The following ESF1 variants were observed in gnomAD, a reference collection of about 807,000 sequenced individuals.
The protein encoded by ESF1 is ESF1 nucleolar pre-rRNA processing protein.
In ESF1, 58 loss-of-function variants were observed where a neutral mutation model predicts 92.0. That is an observed-to-expected ratio of 0.63 (90% confidence interval 0.51 to 0.78). ESF1 has a LOEUF of 0.78. Among genes scored for constraint, ESF1 ranks in the 30% least tolerant of loss-of-function variants. The pLI is 0.00. For synonymous variants in ESF1, 321 were observed against 313.7 expected (o/e 1.02, Z -0.24); for missense variants, 922 against 989.1 (o/e 0.93, Z 0.91).
intron 6 of ESF1, among the ~76,000 whole-genome samples, 174 bp from the exon 7 acceptor site, chr20:13,770,195 T>A (rs922403414): frequency 6.6e-6 from 1 of 152,236 alleles, no homozygotes; most frequent in African/African-American, 2.4e-5. Flanking sequence ...CATCTTTGTA[T>A]AAATTTCTGA....
intron 11 of ESF1, among the ~76,000 whole-genome samples, chr20:13,725,555 A>G (rs1600266574): frequency 6.6e-6 from 1 of 152,164 alleles, no homozygotes; most frequent in African/African-American, 2.4e-5. Context: ...TCTGTGAGCC[A>G]CTACATTAAT....
At chr20:13,719,144 G>C (rs576856011) in intron 11 of ESF1, among the ~76,000 whole-genome samples, 160 bp from the exon 12 acceptor site, 1 of 152,084 alleles carries the variant, frequency 6.6e-6, no homozygotes, top group African/African-American at 2.4e-5. Flanking sequence ...AAGACTGTGG[G>C]TATATGAATG....
chr20:13,718,767 TA>T, intron 12 of ESF1, 140 bp downstream of exon 12: 1 of 434,810 alleles, frequency 2.3e-6, no homozygotes, highest in Admixed American at 5.4e-5. Flanking sequence ...ACTGCTAAAA[TA>T]TTTAATTATG....
At position 13,783,152 on chromosome 20, in the gene ESF1, A is replaced by C; in HGVS notation, c.-12T>G. On this transcript the variant is annotated 5_prime_UTR_variant, in exon 2 of 14. It adds an upstream start codon to the 5' untranslated region. Transcript: ENST00000617257. The stretch of plus-strand genomic sequence containing the variant: ...TGTTTGGATGACATTTTTAATTCTT[A>C]ATCTCGACCAAATGCTTGAAGAAAA... The C allele has an allele frequency of 6.3e-7, 1 of 1,587,302 alleles. No individual in the cohort carries two copies. The highest frequency in any genetic ancestry group is 8.6e-7 in the Non-Finnish European group (1 of 1,164,484).
At chr20:13,717,346 T>G in intron 13 of ESF1, 22 bp downstream of exon 13, 1 of 1,612,450 alleles carries the variant, frequency 6.2e-7, no homozygotes, top group Non-Finnish European at 8.5e-7. Context: ...TTTAAGAGGC[T>G]ATGCCTGGTG....
Position 13,762,886 on chromosome 20 carries a change from A to G in ESF1, c.1667-3033T>C, listed in dbSNP as rs147919828. 1,327 of 286,880 alleles carry G rather than the reference A, an allele frequency of 4.6e-3. 23 individuals are homozygous for G. The highest frequency in any genetic ancestry group is 0.031 in the African/African-American group (1,128 of 35,860). The allele number at this position is 286,880 out of a possible 1,614,324, so 17.8% of individuals were successfully genotyped here. ...TTTTTTTTTTTTTTTTTTGAGACAG[A>G]GTCTCACTCTGTTGCCCAGGCTGGA... On this transcript the variant is annotated intron_variant, in intron 8 of 13. Coordinates refer to ENST00000617257, the MANE Select transcript of ESF1 (RefSeq NM_001276380.2).
At chr20:13,779,004 C>A (rs543972890) in intron 2 of ESF1, among the ~76,000 whole-genome samples, 142 of 152,190 alleles carry the variant, frequency 9.3e-4, no homozygotes, top group Non-Finnish European at 1.7e-3. Context: ...TGTGATTGCA[C>A]CACTGCACTC....
intron 9 of ESF1, among the ~76,000 whole-genome samples, chr20:13,736,295 T>C (rs2049974937): frequency 6.6e-6 from 1 of 152,138 alleles, no homozygotes; most frequent in African/African-American, 2.4e-5. Context: ...CTCCAGACAT[T>C]GCCAAATATC....
chr20:13,716,208 TAAGC>T (rs1473251854), intron 13 of ESF1, among the ~76,000 whole-genome samples: 1 of 152,194 alleles, frequency 6.6e-6, no homozygotes, highest in Non-Finnish European at 1.5e-5. Flanking sequence ...TGGAAGTCAT[TAAGC>T]AGTTTCTAAC....
intron 10 of ESF1, among the ~76,000 whole-genome samples, chr20:13,729,632 T>A (rs2049928257): frequency 6.6e-6 from 1 of 152,104 alleles, no homozygotes; most frequent in Admixed American, 6.5e-5. Context: ...TTACAACAAT[T>A]TATTTGTTGG....
At chr20:13,743,689 A>G (rs2050029958) in intron 9 of ESF1, among the ~76,000 whole-genome samples, 1 of 152,198 alleles carries the variant, frequency 6.6e-6, no homozygotes, top group Non-Finnish European at 1.5e-5. Context: ...ACTCAGAAGC[A>G]AAGAGTAAAA....
intron 11 of ESF1, among the ~76,000 whole-genome samples, chr20:13,727,821 A>G (rs2049911913): frequency 6.6e-6 from 1 of 152,198 alleles, no homozygotes; most frequent in African/African-American, 2.4e-5. Flanking sequence ...AGCTATAATT[A>G]AGCATAATGA....
chr20:13,730,095 A>T (rs1008465867), intron 10 of ESF1, among the ~76,000 whole-genome samples: 2 of 151,980 alleles, frequency 1.3e-5, no homozygotes, highest in Non-Finnish European at 2.9e-5. Flanking sequence ...TTTTGAGACA[A>T]GAGTTTTGCT....
chr20:13,739,349 A>C (rs921994294), intron 9 of ESF1, among the ~76,000 whole-genome samples: 6 of 152,246 alleles, frequency 3.9e-5, no homozygotes, highest in African/African-American at 1.4e-4. Flanking sequence ...CTGTAAATCA[A>C]GCTGCCCCTG....
Position 13,715,197 on chromosome 20 carries a change from AAATT to A in ESF1, c.2263-34_2263-31del, listed in dbSNP as rs773051495. On this transcript the variant is annotated intron_variant, in intron 13 of 13. Transcript: ENST00000617257. ...AAATCCAAAAAAAAAAAAAATTAAT[AAATT>A]AATTAAACAAAATTACTAAAGCAAA... 23 of 1,456,872 alleles carry A rather than the reference AAATT, an allele frequency of 1.6e-5. 1 individual carries two copies. Among genetic ancestry groups the A allele is most frequent in the South Asian group, 9.2e-5 (6 of 65,232 alleles). The allele number at this position is 1,456,872 out of a possible 1,614,324, so 90.2% of individuals were successfully genotyped here. A position where few individuals can be genotyped will look rare whatever the true frequency, so the allele number is the denominator to read the frequency against.
intron 8 of ESF1, among the ~76,000 whole-genome samples, chr20:13,760,327 C>T (rs575897181): frequency 9.3e-5 from 14 of 150,264 alleles, no homozygotes; most frequent in African/African-American, 2.7e-4. Context: ...TCTTCCCGGC[C>T]GCCATCCCAT....
At chr20:13,777,974 A>C (rs1160787980) in intron 2 of ESF1, among the ~76,000 whole-genome samples, 2 of 152,244 alleles carry the variant, frequency 1.3e-5, no homozygotes, top group East Asian at 3.8e-4. Context: ...AGCTAGGATA[A>C]GGGAAAAGAG....
intron 7 of ESF1, among the ~76,000 whole-genome samples, chr20:13,767,396 C>T (rs1392942156): frequency 2.0e-5 from 3 of 152,026 alleles, no homozygotes; most frequent in Admixed American, 2.0e-4. Context: ...TAGCAGGTGC[C>T]TGTAACCCCA....
At chr20:13,779,372 T>C (rs1980081838) in intron 2 of ESF1, among the ~76,000 whole-genome samples, 1 of 152,350 alleles carries the variant, frequency 6.6e-6, no homozygotes, top group Admixed American at 6.5e-5. Context: ...CTGGTTATTT[T>C]AGTATACAAC....
Sources: gnomAD v4.1 joint callset for allele counts (sites outside exome capture counted in the v4.1 genomes callset) on GRCh38, gnomAD v4.1.1 for gene constraint, MANE v1.5 for transcripts, NCBI Gene and HGNC (gene_info 2026-07-23, HGNC 2026-07-21) for gene names.